Variants in ZCCHC24 observed in about 807,000 individuals in gnomAD.
ZCCHC24 encodes zinc finger CCHC domain-containing protein 24.
A neutral mutation model predicts 26.2 loss-of-function variants in ZCCHC24; 10 were observed. The ratio of observed to expected loss-of-function variants is 0.38; its 90% confidence interval spans 0.24 to 0.65. ZCCHC24 has a LOEUF of 0.65. Ranked by LOEUF, ZCCHC24 falls within the 30% of genes least tolerant of loss-of-function variation. The pLI is 0.54. For synonymous variants in ZCCHC24, 144 were observed against 147.1 expected, an observed-to-expected ratio of 0.98 and a Z score of 0.15; for missense variants, 243 against 329.1, an observed-to-expected ratio of 0.74 and a Z score of 2.03.
chr10:79,401,596 G>C (rs1162361974), intron 2 of ZCCHC24, among the ~76,000 whole-genome samples: 1 of 152,240 alleles, frequency 6.6e-6, no homozygotes, highest in African/African-American at 2.4e-5. Flanking sequence ...AGGGGCCGCT[G>C]TTCTCATGGG....
chr10:79,443,168 A>G (rs2132227593), intron 1 of ZCCHC24, among the ~76,000 whole-genome samples: 1 of 152,264 alleles, frequency 6.6e-6, no homozygotes. Flanking sequence ...ACTATACAGT[A>G]TAACCTTTTC....
At chr10:79,436,927 G>C (rs4980081) in intron 1 of ZCCHC24, among the ~76,000 whole-genome samples, 91,397 of 152,148 alleles carry the variant, frequency 0.6, 27,834 homozygotes, top group African/African-American at 0.7. Context: ...TAGCAGGAAG[G>C]ATGTGACCCT....
chr10:79,385,823 C>G lies in ZCCHC24; in HGVS notation c.*522G>C, dbSNP rs1159943560. 1.8e-5 allele frequency: 4 copies of G among 218,190 alleles called. No homozygotes were observed. The highest frequency in any genetic ancestry group is 3.6e-5 in the Non-Finnish European group (4 of 110,586). 13.5% of individuals were successfully genotyped at this position (218,190 alleles called of 1,614,324 possible). ...GGGCAAGGGACAGAGAGGTCCACTC[C>G]CCAGCCGCTGTTGGAACACATGTCC... On this transcript the variant is annotated 3_prime_UTR_variant, in exon 4 of 4. Transcript: ENST00000372336. The surrounding 1 kb of genome is among the most constrained non-coding windows in gnomAD (Gnocchi z 4.3).
intron 2 of ZCCHC24, among the ~76,000 whole-genome samples, chr10:79,404,133 C>T (rs1856677095): frequency 6.6e-6 from 1 of 152,108 alleles, no homozygotes; most frequent in Non-Finnish European, 1.5e-5. Context: ...GAACGGGGCC[C>T]ACAGAGGCCA....
chr10:79,394,658 G>GA (rs1589660264), intron 2 of ZCCHC24: 1 of 984,068 alleles, frequency 1.0e-6, no homozygotes, highest in East Asian at 1.1e-4. Flanking sequence ...AGGAGATGGT[G>GA]AAAAAACAGA....
In ZCCHC24 at chr10:79,384,736, G is replaced by A. The variant is rs1856366264; in HGVS notation, c.*1609C>T. ...TCAGTTGTACAAAGCATTTTCATTT[G>A]AATACAAAAGGCAACTGGACACCAG... On this transcript the variant is annotated 3_prime_UTR_variant, in exon 4 of 4. Transcript: ENST00000372336. The A allele has an allele frequency of 6.6e-6, 1 of 152,548 alleles. No individual in the cohort carries two copies. Among genetic ancestry groups the A allele is most frequent in the Admixed American group, 6.5e-5 (1 of 15,268 alleles). The allele number at this position is 152,548 out of a possible 1,614,324, so 9.4% of individuals were successfully genotyped here.
intron 2 of ZCCHC24, among the ~76,000 whole-genome samples, chr10:79,422,584 T>G (rs1264315659): frequency 6.6e-6 from 1 of 152,216 alleles, no homozygotes; most frequent in African/African-American, 2.4e-5. Flanking sequence ...GTTCTAGGAT[T>G]CCATTCTCTC....
intron 3 of ZCCHC24, among the ~76,000 whole-genome samples, chr10:79,390,763 G>A (rs1320824783): frequency 1.3e-5 from 2 of 152,232 alleles, no homozygotes; most frequent in African/African-American, 2.4e-5. Context: ...TGAGGGGACC[G>A]GAGTCGGTAG....
chr10:79,445,044 G>T (rs559607350), intron 1 of ZCCHC24, 151 bp downstream of exon 1: 2 of 843,756 alleles, frequency 2.4e-6, no homozygotes, highest in Non-Finnish European at 3.2e-6. Context: ...GGCGAGTTTG[G>T]CAGAGTTGAA....
At position 79,445,602 on chromosome 10, in the gene ZCCHC24, G is replaced by A. The variant is rs1589684285; in HGVS notation, c.-162C>T. The A allele has an allele frequency of 4.0e-6, 2 of 501,478 alleles. No individual in the cohort carries two copies. Among genetic ancestry groups the A allele is most frequent in the Non-Finnish European group, 2.6e-6 (1 of 385,032 alleles). 31.1% of individuals were successfully genotyped at this position (501,478 alleles called of 1,614,324 possible). A position where few individuals can be genotyped will look rare whatever the true frequency, so the allele number is the denominator to read the frequency against. On this transcript the variant is annotated 5_prime_UTR_variant, in exon 1 of 4. Transcript: ENST00000372336. ...CCGCGCGCTGCCCGCAGCCGCTGCC[G>A]CTGCCGCCGCCTCCCCCCGACTGCG...
At chr10:79,399,114 G>A (rs777771359) in intron 2 of ZCCHC24, among the ~76,000 whole-genome samples, 1 of 152,160 alleles carries the variant, frequency 6.6e-6, no homozygotes, top group Admixed American at 6.5e-5. Context: ...CCTTGGCGGT[G>A]ACCTCGGTAG....
chr10:79,415,081 A>T (rs1856842632), intron 2 of ZCCHC24, among the ~76,000 whole-genome samples: 2 of 152,072 alleles, frequency 1.3e-5, no homozygotes, highest in Non-Finnish European at 2.9e-5. Flanking sequence ...ATTCCTAATG[A>T]TCTTGGGTAC....
intron 3 of ZCCHC24, 111 bp from the exon 4 acceptor site, chr10:79,386,569 G>A: frequency 1.3e-6 from 1 of 786,778 alleles, no homozygotes. Context: ...CAGGTACACA[G>A]GGAGGGGACC....
At position 79,386,275 on chromosome 10, in the gene ZCCHC24, G is replaced by T; in HGVS notation, c.*70C>A. 6.9e-7 allele frequency: 1 copy of T among 1,453,858 alleles called. No individual in the cohort carries two copies. 90.1% of individuals were successfully genotyped at this position (1,453,858 alleles called of 1,614,324 possible). On this transcript the variant is annotated 3_prime_UTR_variant, in exon 4 of 4. Transcript: ENST00000372336. ...TGCACAGGGCGACACGCAGCCCCTCGGAGTAGCACAGGGAAGCAGCGTCTC... is the reference window on the plus strand; with the variant it reads ...TGCACAGGGCGACACGCAGCCCCTCTGAGTAGCACAGGGAAGCAGCGTCTC...
At chr10:79,394,221 G>A in intron 3 of ZCCHC24, 55 bp downstream of exon 3, 4 of 1,581,470 alleles carry the variant, frequency 2.5e-6, no homozygotes, top group Admixed American at 1.7e-5. Context: ...GTCCGGTAAG[G>A]GAAAAGTTGC....
At chr10:79,432,347 G>A (rs922918718) in intron 2 of ZCCHC24, among the ~76,000 whole-genome samples, 1 of 152,250 alleles carries the variant, frequency 6.6e-6, no homozygotes, top group African/African-American at 2.4e-5. Context: ...CAACCAGCGT[G>A]GGCCCAAGAT....
intron 2 of ZCCHC24, among the ~76,000 whole-genome samples, chr10:79,418,432 C>A (rs567417005): frequency 3.3e-5 from 5 of 152,290 alleles, no homozygotes; most frequent in Admixed American, 2.6e-4. Context: ...CAGACACAGA[C>A]CTCGCCTGGG....
intron 2 of ZCCHC24, among the ~76,000 whole-genome samples, chr10:79,413,034 T>C (rs1357980585): frequency 1.3e-5 from 2 of 152,210 alleles, no homozygotes; most frequent in Non-Finnish European, 2.9e-5. Flanking sequence ...CAGGAGAGTC[T>C]GCAATCCATC....
At chr10:79,439,410 A>G (rs778475088) in intron 1 of ZCCHC24, among the ~76,000 whole-genome samples, 20 of 152,104 alleles carry the variant, frequency 1.3e-4, no homozygotes, top group Non-Finnish European at 2.4e-4. Flanking sequence ...ACATGCTCAC[A>G]AGTCAGGAGG....
Sources: gnomAD v4.1 joint callset for allele counts (sites outside exome capture counted in the v4.1 genomes callset) on GRCh38, gnomAD v4.1.1 for gene constraint, Gnocchi (gnomAD v3.1) non-coding constraint, MANE v1.5 for transcripts, NCBI Gene and HGNC (gene_info 2026-07-23, HGNC 2026-07-21) for gene names.